The following CNTN4 variants were observed in gnomAD, a reference collection of about 807,000 sequenced individuals.
CNTN4 encodes the protein contactin-4.
Under a neutral mutation model 122.5 loss-of-function variants are expected in CNTN4, and 77 were observed. That is an observed-to-expected ratio of 0.63 (90% CI 0.52 to 0.76). The LOEUF (loss-of-function observed/expected upper bound fraction) is 0.76. Among genes scored for constraint, CNTN4 ranks in the 30% least tolerant of loss-of-function variants. The pLI is 0.00. For synonymous variants in CNTN4, 512 were observed against 447.0 expected (o/e 1.15, Z -1.83); for missense variants, 1,256 against 1,259.1 (o/e 1.00, Z 0.04).
intron 2 of CNTN4, among the ~76,000 whole-genome samples, chr3:2,104,784 T>G (rs771329560): frequency 6.6e-6 from 1 of 152,178 alleles, no homozygotes; most frequent in Non-Finnish European, 1.5e-5. Flanking sequence ...TAGCCAGTCT[T>G]TGTCACAGGT....
chr3:2,233,404 T>G (rs80024230), intron 2 of CNTN4, among the ~76,000 whole-genome samples: 1,901 of 152,274 alleles, frequency 0.012, 21 homozygotes, highest in Middle Eastern at 0.027. Flanking sequence ...TTTGCCTGTT[T>G]TTGTTTTTCG....
chr3:2,234,370 CAAAA>C (rs72401999), intron 2 of CNTN4, among the ~76,000 whole-genome samples: 72 of 94,742 alleles, frequency 7.6e-4, no homozygotes, highest in Admixed American at 1.3e-3. Flanking sequence ...AAGTCCATCT[CAAAA>C]AAAAAAAAAA....
At chr3:2,565,807 T>C (rs1447435295) in intron 3 of CNTN4, among the ~76,000 whole-genome samples, 6 of 152,180 alleles carry the variant, frequency 3.9e-5, no homozygotes, top group East Asian at 1.9e-4. Flanking sequence ...TTCCTCGCCA[T>C]TGTGATTGAC....
intron 4 of CNTN4, among the ~76,000 whole-genome samples, chr3:2,600,773 C>CA (rs1403503750): frequency 3.3e-5 from 5 of 152,174 alleles, no homozygotes; most frequent in African/African-American, 9.7e-5. Flanking sequence ...GAGGAATCTC[C>CA]ACACTGTCTT....
intron 6 of CNTN4, among the ~76,000 whole-genome samples, chr3:2,760,367 G>C (rs1250022292): frequency 6.6e-6 from 1 of 151,914 alleles, no homozygotes; most frequent in African/African-American, 2.4e-5. Flanking sequence ...TGAAGTATTC[G>C]TTCAAAAGAA....
At position 2,575,252 on chromosome 3, in the gene CNTN4, C is replaced by G. The variant is rs190384002; in HGVS notation, c.55+3694C>G. Among the ~76,000 whole-genome samples the G allele has an allele frequency of 2.9e-3, 434 of 152,162 alleles. 4 individuals are homozygous for G. The highest frequency in any genetic ancestry group is 0.01 in the African/African-American group (423 of 41,478). ...ATAAGGCCAGGCACAGTGGCTCATG[C>G]CTGTAATCCCAGCACTTTGGGAGGC... is the stretch of plus-strand genomic sequence containing the variant. On this transcript the variant is annotated intron_variant, in intron 4 of 24. Transcript: ENST00000418658.
chr3:2,711,160 G>A (rs114078585), intron 4 of CNTN4, among the ~76,000 whole-genome samples: 5 of 152,144 alleles, frequency 3.3e-5, no homozygotes, highest in Non-Finnish European at 5.9e-5. Context: ...CACAGCAAGA[G>A]GGTCACAAAC....
At position 2,283,184 on chromosome 3, in the gene CNTN4, TATA is replaced by T. The variant is rs199591485; in HGVS notation, c.-144-55989_-144-55987del. Among the ~76,000 whole-genome samples the T allele has an allele frequency of 8.0e-3, 1,224 of 152,170 alleles. 18 individuals carry two copies. Among genetic ancestry groups the T allele is most frequent in the African/African-American group, 0.028 (1,159 of 41,536 alleles). The stretch of plus-strand genomic sequence containing the variant: ...CTAAAAGCATTTTAAGAGAAGACAT[TATA>T]ATAAACAGAGAGTACAAAGATCAGA... On this transcript the variant is annotated intron_variant, in intron 2 of 24. Coordinates refer to ENST00000418658, the MANE Select transcript of CNTN4 (RefSeq NM_175607.3).
intron 10 of CNTN4, among the ~76,000 whole-genome samples, chr3:2,895,270 C>G (rs1353676986): frequency 7.9e-5 from 12 of 152,024 alleles, no homozygotes; most frequent in Admixed American, 5.2e-4. Context: ...GCCACCACAC[C>G]TGGTCAGATG....
At chr3:2,590,944 A>C (rs1051785052) in intron 4 of CNTN4, among the ~76,000 whole-genome samples, 8 of 152,140 alleles carry the variant, frequency 5.3e-5, no homozygotes, top group Admixed American at 1.3e-4. Context: ...ACTTTGATAC[A>C]TTTTGTCATA....
chr3:2,726,676 A>G (rs2088249337), intron 4 of CNTN4, among the ~76,000 whole-genome samples: 1 of 152,232 alleles, frequency 6.6e-6, no homozygotes, highest in South Asian at 2.1e-4. Context: ...GCACCTAAAT[A>G]TAAATCGGAA....
At chr3:2,549,934 GT>G (rs2078416443) in intron 3 of CNTN4, among the ~76,000 whole-genome samples, 2 of 152,092 alleles carry the variant, frequency 1.3e-5, no homozygotes, top group African/African-American at 4.8e-5. Flanking sequence ...TTGGGAGGGT[GT>G]ATGTATCCAG....
intron 3 of CNTN4, among the ~76,000 whole-genome samples, chr3:2,426,838 A>G (rs1355472361): frequency 6.6e-6 from 1 of 151,916 alleles, no homozygotes; most frequent in African/African-American, 2.4e-5. Context: ...TTTCTTCTAG[A>G]TTTTCTAGTT....
At chr3:3,002,772 A>G (rs1696178514) in intron 14 of CNTN4, among the ~76,000 whole-genome samples, 1 of 152,218 alleles carries the variant, frequency 6.6e-6, no homozygotes, top group African/African-American at 2.4e-5. Context: ...AGTAACAACA[A>G]ATTTATCCAG....
intron 2 of CNTN4, among the ~76,000 whole-genome samples, chr3:2,190,932 GGCT>G (rs2037510902): frequency 6.6e-6 from 1 of 151,556 alleles, no homozygotes; most frequent in African/African-American, 2.4e-5. Flanking sequence ...ATATTAGCTG[GGCT>G]GGTCTTTACG....
rs940755906 is a variant in CNTN4 at position 2,774,061 on chromosome 3, C to T, written c.358+28364C>T. ...AGGCATAAGCCACCATGCCCAGCCTCGATTTAGTAGACTTTTGACCAAGAC... is the reference window on the plus strand; with the variant it reads ...AGGCATAAGCCACCATGCCCAGCCTTGATTTAGTAGACTTTTGACCAAGAC... On this transcript the variant is annotated intron_variant, in intron 6 of 24. Transcript: ENST00000418658. Among the ~76,000 whole-genome samples, 23 of 151,988 alleles carry T rather than the reference C, an allele frequency of 1.5e-4. 1 individual carries two copies. Among genetic ancestry groups the T allele is most frequent in the African/African-American group, 5.6e-4 (23 of 41,390 alleles).
chr3:2,961,009 T>C (rs1312233909), intron 13 of CNTN4, among the ~76,000 whole-genome samples: 49 of 138,074 alleles, frequency 3.5e-4, no homozygotes, highest in Non-Finnish European at 1.8e-4. Context: ...GGCGGGTGGA[T>C]CACGAGGTCA....
intron 3 of CNTN4, among the ~76,000 whole-genome samples, chr3:2,428,798 CTCT>C (rs1374973808): frequency 6.6e-6 from 1 of 152,160 alleles, no homozygotes; most frequent in African/African-American, 2.4e-5. Flanking sequence ...CTCTAAACTT[CTCT>C]TCTTGCTTCA....
intron 2 of CNTN4, among the ~76,000 whole-genome samples, chr3:2,169,345 G>A (rs961024821): frequency 5.9e-5 from 9 of 151,954 alleles, no homozygotes; most frequent in African/African-American, 1.9e-4. Flanking sequence ...GATGTTTAAC[G>A]CCTTTTGATG....
Sources: allele counts gnomAD v4.1 joint callset (sites outside exome capture counted in the v4.1 genomes callset), GRCh38; gene constraint gnomAD v4.1.1; transcripts MANE v1.5; gene names NCBI Gene and HGNC (gene_info 2026-07-23, HGNC 2026-07-21).